PCDHA2: variants seen among roughly 807,000 people sequenced by gnomAD.
The protein encoded by PCDHA2 is protocadherin alpha-2.
In PCDHA2, 58 loss-of-function variants were observed where a neutral mutation model predicts 66.0. The ratio of observed to expected loss-of-function variants is 0.88; its 90% CI spans 0.71 to 1.09. PCDHA2 has a LOEUF of 1.09. Among genes scored for constraint, PCDHA2 ranks in the 50% least tolerant of loss-of-function variants. The pLI is 0.00. For missense variants in PCDHA2, 1,267 were observed against 1,242.3 expected (o/e 1.02, Z -0.30); for synonymous variants, 634 against 554.0 (o/e 1.14, Z -2.03).
chr5:140,978,860 A>G, intron 1 of PCDHA2, 89 bp from the exon 2 acceptor site: 1 of 1,598,356 alleles, frequency 6.3e-7, no homozygotes, highest in African/African-American at 1.3e-5. Context: ...GCCTGGAAAT[A>G]TTTAAGGGAG....
Position 140,968,423 on chromosome 5 carries a change from G to A in PCDHA2, c.2389-10526G>A, listed in dbSNP as rs782235507. The A allele has an allele frequency of 1.9e-6, 3 of 1,614,028 alleles. No homozygotes were observed. The South Asian group carries it at 3.3e-5, about 18-fold the overall frequency. On this transcript the variant is annotated intron_variant, in intron 1 of 3. Transcript: ENST00000526136. ...GTTCTTTGTGACTGTGGAGGCTCAG[G>A]ACAAGGGGAGCCCACCACTGAGCAG...
intron 1 of PCDHA2, among the ~76,000 whole-genome samples, chr5:140,974,081 C>T (rs1432185201): frequency 6.6e-6 from 1 of 152,196 alleles, no homozygotes; most frequent in African/African-American, 2.4e-5. Context: ...ATAACCATGA[C>T]TTCAAAAATC....
At chr5:140,966,755 C>A in intron 1 of PCDHA2, 1 of 1,434,520 alleles carries the variant, frequency 7.0e-7, no homozygotes, top group South Asian at 1.5e-5. Context: ...GCCTCCGCCG[C>A]GGCCAGTGGC....
chr5:140,926,609 G>T, intron 1 of PCDHA2: 1 of 350,856 alleles, frequency 2.9e-6, no homozygotes, highest in Non-Finnish European at 5.0e-6. Flanking sequence ...CCTCGTCTCT[G>T]CACCCCTAGG....
chr5:140,869,997 T>C (rs782075585), intron 1 of PCDHA2: 23 of 1,613,172 alleles, frequency 1.4e-5, no homozygotes, highest in Non-Finnish European at 2.5e-6. Context: ...ATCAAAATAA[T>C]GGAGAAGTGA....
At chr5:140,989,105 T>G (rs550881823) in intron 3 of PCDHA2, 2 of 152,232 alleles carry the variant, frequency 1.3e-5, no homozygotes, top group African/African-American at 4.8e-5. Flanking sequence ...GAAACAACTT[T>G]TGAATATATC....
chr5:140,797,585 T>C, intron 1 of PCDHA2: 1 of 611,740 alleles, frequency 1.6e-6, no homozygotes, highest in South Asian at 2.2e-5. Flanking sequence ...CATTAAGTCA[T>C]AAGTAATAGA....
intron 1 of PCDHA2, chr5:140,928,108 G>C: frequency 6.2e-7 from 1 of 1,614,190 alleles, no homozygotes; most frequent in Non-Finnish European, 8.5e-7. Flanking sequence ...CCTGGACCGG[G>C]AGCAGATCAG....
At chr5:140,810,154 T>C (rs1764605759) in intron 1 of PCDHA2, 1 of 152,414 alleles carries the variant, frequency 6.6e-6, no homozygotes, top group South Asian at 2.1e-4. Flanking sequence ...TATGAAATTA[T>C]CCATGTTGTT....
intron 1 of PCDHA2, chr5:140,801,300 G>T: frequency 6.2e-7 from 1 of 1,613,456 alleles, no homozygotes; most frequent in Non-Finnish European, 8.5e-7. Context: ...CCACTACTCC[G>T]TCTCTGAGGA....
rs781906273 is a variant in PCDHA2, at chr5:140,869,410, A to G, written c.2388+72058A>G. The G allele has an allele frequency of 3.7e-6, 6 of 1,614,082 alleles. No individual in the cohort carries two copies. The East Asian group carries it at 1.1e-4, about 30-fold the overall frequency. ...GCTGTGCGGGCAGAGCGCGGAGTGCAGCATCCACCTGGAGGTGATCGTGGA... is the reference window on the plus strand; with the variant it reads ...GCTGTGCGGGCAGAGCGCGGAGTGCGGCATCCACCTGGAGGTGATCGTGGA... On this transcript the variant is annotated intron_variant, in intron 1 of 3. Transcript: ENST00000526136.
chr5:140,967,228 G>A (rs1316363900), intron 1 of PCDHA2: 3 of 1,613,652 alleles, frequency 1.9e-6, no homozygotes, highest in Non-Finnish European at 2.5e-6. Flanking sequence ...CCAACTACCA[G>A]CTTCAGGTAA....
chr5:140,803,686 A>G (rs782640971), intron 1 of PCDHA2: 2 of 1,564,850 alleles, frequency 1.3e-6, no homozygotes, highest in Non-Finnish European at 1.7e-6. Flanking sequence ...TTAAGTATGA[A>G]TTATGTGATT....
chr5:140,861,571 A>C, intron 1 of PCDHA2: 1 of 372,012 alleles, frequency 2.7e-6, no homozygotes, highest in Non-Finnish European at 5.6e-6. Context: ...AAGCTGCTAC[A>C]GGTTTTCCAT....
intron 1 of PCDHA2, chr5:140,828,383 C>G: frequency 6.2e-7 from 1 of 1,614,256 alleles, no homozygotes; most frequent in South Asian, 1.1e-5. Context: ...GCTGTGCGGG[C>G]GGAGCGCGGA....
intron 1 of PCDHA2, chr5:140,835,375 C>A (rs2150234654): frequency 1.9e-6 from 3 of 1,613,974 alleles, no homozygotes; most frequent in South Asian, 1.1e-5. Context: ...CCACCCCTGG[C>A]TGGTCATTGT....
intron 1 of PCDHA2, among the ~76,000 whole-genome samples, chr5:140,902,484 G>T (rs1211102117): frequency 3.3e-5 from 5 of 152,096 alleles, no homozygotes; most frequent in African/African-American, 1.2e-4. Context: ...TGCCTGCTCA[G>T]TATGATACTA....
chr5:140,805,654 T>C, intron 1 of PCDHA2: 5 of 854,732 alleles, frequency 5.8e-6, no homozygotes, highest in Non-Finnish European at 7.0e-6. Flanking sequence ...GAAGTCTTCA[T>C]TCCCCATTAA....
intron 1 of PCDHA2, chr5:140,870,723 C>A: frequency 1.9e-6 from 3 of 1,613,170 alleles, no homozygotes; most frequent in East Asian, 4.5e-5. Context: ...GCGATGCGGG[C>A]GTGCCGCCTC....
Sources: gnomAD v4.1 joint callset for allele counts (sites outside exome capture counted in the v4.1 genomes callset) on GRCh38, gnomAD v4.1.1 for gene constraint, MANE v1.5 for transcripts, NCBI Gene and HGNC (gene_info 2026-07-23, HGNC 2026-07-21) for gene names.